The following SDCCAG8 variants were observed in gnomAD, a reference collection of about 807,000 sequenced individuals.
SDCCAG8 encodes serologically defined colon cancer antigen 8.
Under a neutral mutation model 101.8 loss-of-function variants are expected in SDCCAG8, and 74 were observed. The observed-to-expected ratio is 0.73, with a 90% CI of 0.60 to 0.88. SDCCAG8 has a LOEUF of 0.88. Among genes scored for constraint, SDCCAG8 ranks in the 40% least tolerant of loss-of-function variants. SDCCAG8 has a pLI of 0.00. For synonymous variants in SDCCAG8, 281 were observed against 292.9 expected, an observed-to-expected ratio of 0.96 and a Z score of 0.41; for missense variants, 787 against 822.6, an observed-to-expected ratio of 0.96 and a Z score of 0.53.
intron 14 of SDCCAG8, among the ~76,000 whole-genome samples, chr1:243,417,121 C>G (rs2080642826): frequency 6.6e-6 from 1 of 152,196 alleles, no homozygotes; most frequent in South Asian, 2.1e-4. Flanking sequence ...CCCTCTATCA[C>G]TTTCAGTAGA....
intron 10 of SDCCAG8, among the ~76,000 whole-genome samples, chr1:243,340,267 T>C (rs1175508356): frequency 6.6e-6 from 1 of 152,186 alleles, no homozygotes; most frequent in African/African-American, 2.4e-5. Flanking sequence ...ACTGAGATTG[T>C]AGGAGCACAT....
rs376414138 is a variant in SDCCAG8 at position 243,378,715 on chromosome 1, C to T, written c.1474-6C>T. ...TGGATGCTTTTTCCCCTTCTCTCTA[C>T]CTAAGGAAATAGAGAAATTGAGAAT... On this transcript the variant is annotated splice_region_variant and splice_polypyrimidine_tract_variant and intron_variant, in intron 12 of 17. Transcript: ENST00000366541. The T allele has an allele frequency of 1.2e-3, 1,860 of 1,613,550 alleles. 3 individuals are homozygous for T. Among genetic ancestry groups the T allele is most frequent in the Non-Finnish European group, 1.4e-3 (1,703 of 1,179,616 alleles).
intron 10 of SDCCAG8, among the ~76,000 whole-genome samples, chr1:243,339,208 G>A (rs566235300): frequency 4.5e-4 from 69 of 152,206 alleles, no homozygotes; most frequent in African/African-American, 1.5e-3. Flanking sequence ...ACATGCCTTA[G>A]AAGAGAAATG....
At chr1:243,494,717 C>T (rs1262274007) in intron 17 of SDCCAG8, among the ~76,000 whole-genome samples, 1 of 152,228 alleles carries the variant, frequency 6.6e-6, no homozygotes, top group Non-Finnish European at 1.5e-5. Context: ...TATATTCCTT[C>T]AGATACATTC....
At chr1:243,454,006 G>A (rs1323550329) in intron 16 of SDCCAG8, among the ~76,000 whole-genome samples, 1 of 152,026 alleles carries the variant, frequency 6.6e-6, no homozygotes, top group African/African-American at 2.4e-5. Context: ...ATCCCATTTG[G>A]CAAACTCTTA....
intron 17 of SDCCAG8, among the ~76,000 whole-genome samples, chr1:243,492,272 C>T (rs1666638568): frequency 6.9e-6 from 1 of 145,526 alleles, no homozygotes. Flanking sequence ...GGCACTGGCT[C>T]AAGCTCTCGG....
chr1:243,276,282 C>G (rs2068566361), intron 4 of SDCCAG8, among the ~76,000 whole-genome samples: 1 of 152,076 alleles, frequency 6.6e-6, no homozygotes, highest in African/African-American at 2.4e-5. Flanking sequence ...GGGCCATAAG[C>G]CATCTACTTT....
chr1:243,297,909 T>C (rs2071091697), intron 6 of SDCCAG8, among the ~76,000 whole-genome samples: 1 of 152,172 alleles, frequency 6.6e-6, no homozygotes, highest in African/African-American at 2.4e-5. Flanking sequence ...ATAGTTTGCT[T>C]GCTTGCTTTG....
At chr1:243,339,533 C>A (rs951270641) in intron 10 of SDCCAG8, among the ~76,000 whole-genome samples, 8 of 152,062 alleles carry the variant, frequency 5.3e-5, no homozygotes, top group Admixed American at 1.3e-4. Context: ...ATTAGTAAAG[C>A]TAATTGTATG....
intron 1 of SDCCAG8, among the ~76,000 whole-genome samples, chr1:243,264,738 TTATCTACTTGCACTTAC>T (rs1391791763): frequency 6.6e-6 from 1 of 152,246 alleles, no homozygotes; most frequent in African/African-American, 2.4e-5. Context: ...AGCAGAAATA[TTATCTACTTGCACTTAC>T]GTTCATGTGA....
At chr1:243,268,622 C>A (rs568142785) in intron 1 of SDCCAG8, among the ~76,000 whole-genome samples, 1 of 152,102 alleles carries the variant, frequency 6.6e-6, no homozygotes, top group Non-Finnish European at 1.5e-5. Context: ...TTTCTTTTAT[C>A]AAAGTAGAAA....
chr1:243,298,046 C>A (rs1208775763), intron 6 of SDCCAG8, among the ~76,000 whole-genome samples: 2 of 142,834 alleles, frequency 1.4e-5, no homozygotes, highest in Non-Finnish European at 3.1e-5. Context: ...ATTATAGTTT[C>A]ACTTTTTTTT....
chr1:243,266,037 A>AT (rs1298376777), intron 1 of SDCCAG8, among the ~76,000 whole-genome samples: 11 of 152,138 alleles, frequency 7.2e-5, no homozygotes, highest in African/African-American at 9.7e-5. Flanking sequence ...CGCAACAAAA[A>AT]TTTTTTATTG....
intron 17 of SDCCAG8, among the ~76,000 whole-genome samples, chr1:243,494,084 G>A (rs912669070): frequency 6.6e-6 from 1 of 152,170 alleles, no homozygotes; most frequent in Non-Finnish European, 1.5e-5. Flanking sequence ...TTAGCTACCT[G>A]TAAGACAGAT....
At chr1:243,300,871 T>C (rs1434827330) in intron 6 of SDCCAG8, among the ~76,000 whole-genome samples, 3 of 152,212 alleles carry the variant, frequency 2.0e-5, no homozygotes, top group Non-Finnish European at 4.4e-5. Context: ...CACTTATATG[T>C]GTATTTTTCT....
intron 16 of SDCCAG8, among the ~76,000 whole-genome samples, chr1:243,433,164 G>A (rs1036498555): frequency 2.0e-5 from 3 of 152,060 alleles, no homozygotes; most frequent in Non-Finnish European, 4.4e-5. Context: ...CCTGATGCCA[G>A]ACTTAGTTTA....
chr1:243,394,948 A>G (rs1170161512), intron 13 of SDCCAG8, among the ~76,000 whole-genome samples: 1 of 152,100 alleles, frequency 6.6e-6, no homozygotes, highest in Non-Finnish European at 1.5e-5. Context: ...TAAGATAAGC[A>G]ATGACGCATT....
intron 16 of SDCCAG8, among the ~76,000 whole-genome samples, chr1:243,434,933 C>A (rs2082036109): frequency 6.6e-6 from 1 of 152,094 alleles, no homozygotes; most frequent in Non-Finnish European, 1.5e-5. Flanking sequence ...GAAAAGGAGG[C>A]AACAAAACAA....
At chr1:243,466,547 G>A (rs374800049) in intron 16 of SDCCAG8, among the ~76,000 whole-genome samples, 4 of 152,212 alleles carry the variant, frequency 2.6e-5, no homozygotes, top group South Asian at 2.1e-4. Flanking sequence ...TATGACAGTC[G>A]TGCTACCTGT....
Sources: allele counts gnomAD v4.1 joint callset (sites outside exome capture counted in the v4.1 genomes callset), GRCh38; gene constraint gnomAD v4.1.1; transcripts MANE v1.5; gene names NCBI Gene and HGNC (gene_info 2026-07-23, HGNC 2026-07-21).